Variants in VAV3 observed in about 807,000 individuals in gnomAD.
VAV3 encodes the protein vav guanine nucleotide exchange factor 3, also known as guanine nucleotide exchange factor VAV3.
In VAV3, 94 loss-of-function variants were observed where a neutral mutation model predicts 131.2. The observed-to-expected ratio is 0.72, with a 90% CI of 0.61 to 0.85. VAV3 has a LOEUF of 0.85. Among genes scored for constraint, VAV3 ranks in the 40% least tolerant of loss-of-function variants. VAV3 has a pLI of 0.00. For missense variants in VAV3, 939 were observed against 1,002.7 expected (o/e 0.94, Z 0.86); for synonymous variants, 349 against 342.0 (o/e 1.02, Z -0.22).
intron 2 of VAV3, among the ~76,000 whole-genome samples, chr1:107,804,215 G>A (rs1666956723): frequency 6.6e-6 from 1 of 151,974 alleles, no homozygotes; most frequent in South Asian, 2.1e-4. Context: ...TCTTTTAATT[G>A]GAGAACTGCA....
chr1:107,844,391 G>A (rs1668866503), intron 2 of VAV3, among the ~76,000 whole-genome samples: 1 of 152,172 alleles, frequency 6.6e-6, no homozygotes, highest in Admixed American at 6.5e-5. Flanking sequence ...AAACTGGGTG[G>A]CCATTTGGGC....
chr1:107,775,911 G>A (rs1411768589), intron 4 of VAV3, among the ~76,000 whole-genome samples: 1 of 152,172 alleles, frequency 6.6e-6, no homozygotes, highest in Non-Finnish European at 1.5e-5. Flanking sequence ...CTCTGAGAGG[G>A]ATCTGGAAGT....
chr1:107,907,075 T>C (rs1288886553), intron 1 of VAV3, among the ~76,000 whole-genome samples: 1 of 152,204 alleles, frequency 6.6e-6, no homozygotes, highest in Non-Finnish European at 1.5e-5. Context: ...AACAACTTTC[T>C]GGCATCCAGT....
intron 11 of VAV3, among the ~76,000 whole-genome samples, chr1:107,756,815 GA>G (rs969756880): frequency 4.9e-4 from 74 of 152,096 alleles, no homozygotes; most frequent in African/African-American, 1.7e-3. Flanking sequence ...CTCATATGAG[GA>G]AAATAAGTTA....
chr1:107,764,663 C>T lies in VAV3; in HGVS notation c.921+413G>A, dbSNP rs183698074. On this transcript the variant is annotated intron_variant, in intron 9 of 26. Coordinates refer to ENST00000370056, the MANE Select transcript of VAV3 (RefSeq NM_006113.5). ...TCAACTTCTCAGGTAGCTAGAACTA[C>T]AGGCATGAGCCACCCTGCCCAGCTA... 8.9e-4 allele frequency among the ~76,000 whole-genome samples: 136 copies of T among 152,322 alleles called. 2 individuals are homozygous for T. Among genetic ancestry groups the T allele is most frequent in the Non-Finnish European group, 4.7e-4 (32 of 68,032 alleles).
At chr1:107,713,467 A>G (rs998048459) in intron 15 of VAV3, among the ~76,000 whole-genome samples, 3 of 152,114 alleles carry the variant, frequency 2.0e-5, no homozygotes, top group Admixed American at 6.5e-5. Context: ...TTGAAAGTCC[A>G]TAAGAAAAAA....
intron 19 of VAV3, among the ~76,000 whole-genome samples, chr1:107,661,611 A>T (rs1187610658): frequency 6.6e-6 from 1 of 152,256 alleles, no homozygotes; most frequent in Non-Finnish European, 1.5e-5. Flanking sequence ...TTTGGTGTCC[A>T]ATAATCTCTC....
chr1:107,945,598 C>T (rs963400934), intron 1 of VAV3, among the ~76,000 whole-genome samples: 7 of 151,876 alleles, frequency 4.6e-5, no homozygotes, highest in Non-Finnish European at 1.0e-4. Flanking sequence ...TTGAGACGAG[C>T]GGACTATCTG....
chr1:107,759,879 C>G (rs959810879), intron 10 of VAV3, among the ~76,000 whole-genome samples: 11 of 152,034 alleles, frequency 7.2e-5, no homozygotes, highest in African/African-American at 2.7e-4. Context: ...TCCAGGATGC[C>G]TTGGAAACTG....
chr1:107,595,959 A>G (rs945048569), intron 25 of VAV3, among the ~76,000 whole-genome samples: 2 of 152,166 alleles, frequency 1.3e-5, no homozygotes, highest in Non-Finnish European at 2.9e-5. Flanking sequence ...TGTAAATATT[A>G]GCATATCTTT....
chr1:107,949,376 T>A (rs1356524115), intron 1 of VAV3, among the ~76,000 whole-genome samples: 1 of 152,148 alleles, frequency 6.6e-6, no homozygotes, highest in African/African-American at 2.4e-5. Context: ...AGTGGCATGA[T>A]CATGGCTCAC....
At chr1:107,812,797 A>T (rs1004856470) in intron 2 of VAV3, among the ~76,000 whole-genome samples, 1 of 152,154 alleles carries the variant, frequency 6.6e-6, no homozygotes. Context: ...TGGGGGTTGA[A>T]GCAGGAAGAG....
chr1:107,667,605 C>A (rs1438536810), intron 19 of VAV3, among the ~76,000 whole-genome samples: 1 of 152,108 alleles, frequency 6.6e-6, no homozygotes, highest in African/African-American at 2.4e-5. Flanking sequence ...TATACACACA[C>A]ACACACAAAC....
At chr1:107,884,058 T>C (rs2101042189) in intron 1 of VAV3, among the ~76,000 whole-genome samples, 1 of 152,088 alleles carries the variant, frequency 6.6e-6, no homozygotes, top group South Asian at 2.1e-4. Context: ...GTCGCTGCCT[T>C]TGGTGAAAGA....
At chr1:107,644,960 C>A (rs1655629451) in intron 19 of VAV3, among the ~76,000 whole-genome samples, 1 of 65,342 alleles carries the variant, frequency 1.5e-5, no homozygotes, top group Non-Finnish European at 4.0e-5. Flanking sequence ...CTCGAGTATA[C>A]AGAGTATACA....
intron 2 of VAV3, among the ~76,000 whole-genome samples, chr1:107,831,849 T>TC (rs1435462380): frequency 1.3e-5 from 2 of 152,208 alleles, no homozygotes; most frequent in Non-Finnish European, 2.9e-5. Context: ...AGAATTTTTT[T>TC]CCACAATTCA....
At chr1:107,870,406 CAT>C (rs1670198983) in intron 2 of VAV3, among the ~76,000 whole-genome samples, 1 of 152,068 alleles carries the variant, frequency 6.6e-6, no homozygotes, top group Non-Finnish European at 1.5e-5. Context: ...AACATTTTTT[CAT>C]ATGTTTGTTG....
chr1:107,612,881 T>G (rs1035110307), intron 21 of VAV3, among the ~76,000 whole-genome samples: 2 of 152,154 alleles, frequency 1.3e-5, no homozygotes, highest in Non-Finnish European at 2.9e-5. Context: ...ATCTGAATTT[T>G]AGCTACCCTG....
At chr1:107,864,049 G>C (rs980172678) in intron 2 of VAV3, among the ~76,000 whole-genome samples, 3 of 152,176 alleles carry the variant, frequency 2.0e-5, no homozygotes, top group African/African-American at 7.2e-5. Context: ...AGCCTCTGCA[G>C]AAGAGCTTAT....
Sources: gnomAD v4.1 joint callset for allele counts (sites outside exome capture counted in the v4.1 genomes callset) on GRCh38, gnomAD v4.1.1 for gene constraint, MANE v1.5 for transcripts, NCBI Gene and HGNC (gene_info 2026-07-23, HGNC 2026-07-21) for gene names.